CCDC88C: variants seen among roughly 807,000 people sequenced by gnomAD.
CCDC88C encodes coiled-coil and HOOK domain protein 88C.
In CCDC88C, 131 loss-of-function variants were observed where a neutral mutation model predicts 198.8. That is an observed-to-expected ratio of 0.66 (90% confidence interval 0.57 to 0.76). CCDC88C has a LOEUF of 0.76. CCDC88C is among the 30% of genes least tolerant of loss of function. CCDC88C has a pLI of 0.00. For missense variants in CCDC88C, 2,553 were observed against 2,631.6 expected (o/e 0.97, Z 0.65); for synonymous variants, 1,166 against 1,114.7 (o/e 1.05, Z -0.92).
In CCDC88C at chr14:91,309,920, G is replaced by C. The variant is rs776266258; in HGVS notation, c.2803C>G (p.Leu935Val). 38 of 1,609,834 alleles carry C rather than the reference G, an allele frequency of 2.4e-5. No homozygotes were observed. The Middle Eastern group carries it at 6.6e-4, about 28-fold the overall frequency. ...TCCCTGTTGAGGCCGACCTTCTCCAGTTCCTGGCTCAGCTTGTCCAGCTCA... is the reference window on the plus strand; with the variant it reads ...TCCCTGTTGAGGCCGACCTTCTCCACTTCCTGGCTCAGCTTGTCCAGCTCA... The part of the protein sequence containing the change: ...SSELDKLSQE[L>V]EKVGLNRELL... The change falls in exon 16 of 30, where the codon CTG becomes GTG. Residue 935 changes from leucine (L) to valine (V), a missense_variant. Leu to Val is a conservative substitution (Grantham distance 32, BLOSUM62 1). Coordinates refer to ENST00000389857, the MANE Select transcript of CCDC88C (RefSeq NM_001080414.4).
intron 3 of CCDC88C, among the ~76,000 whole-genome samples, chr14:91,394,729 T>A (rs1405016350): frequency 6.6e-6 from 1 of 152,180 alleles, no homozygotes. Context: ...CTTCCTTTGA[T>A]GAGATAATAT....
At chr14:91,409,053 A>G (rs966595620) in intron 2 of CCDC88C, among the ~76,000 whole-genome samples, 2 of 152,208 alleles carry the variant, frequency 1.3e-5, no homozygotes, top group Admixed American at 1.3e-4. Context: ...AACCAACCAC[A>G]TATCAGTGCA....
intron 10 of CCDC88C, among the ~76,000 whole-genome samples, chr14:91,333,783 T>C (rs1892933916): frequency 2.0e-5 from 3 of 152,210 alleles, no homozygotes; most frequent in African/African-American, 7.2e-5. Context: ...GAATCTGCAT[T>C]TTAAACACAA....
intron 3 of CCDC88C, among the ~76,000 whole-genome samples, chr14:91,400,800 A>G (rs182264595): frequency 5.9e-5 from 9 of 152,342 alleles, no homozygotes; most frequent in Admixed American, 5.2e-4. Context: ...AAAAGGAAAA[A>G]ACCTATAAAT....
At chr14:91,300,341 C>T (rs997328382) in intron 20 of CCDC88C, among the ~76,000 whole-genome samples, 5 of 152,206 alleles carry the variant, frequency 3.3e-5, no homozygotes, top group African/African-American at 4.8e-5. Flanking sequence ...ATAAAGCAGT[C>T]GCTCTTCCTT....
chr14:91,306,893 G>T, intron 18 of CCDC88C, 145 bp downstream of exon 18: 1 of 827,644 alleles, frequency 1.2e-6, no homozygotes, highest in Non-Finnish European at 1.8e-6. Flanking sequence ...GGGCCCACAG[G>T]ACCTGCAACT....
intron 3 of CCDC88C, chr14:91,378,984 T>A (rs1005724993): frequency 1.3e-5 from 2 of 152,238 alleles, no homozygotes; most frequent in Admixed American, 6.5e-5. Flanking sequence ...TACTCCGGGA[T>A]ACCCTTAGGA....
chr14:91,338,205 C>T lies in CCDC88C; in HGVS notation c.892-42G>A. 6.2e-7 allele frequency: 1 copy of T among 1,603,960 alleles called. No individual in the cohort carries two copies. The highest frequency in any genetic ancestry group is 1.3e-5 in the African/African-American group (1 of 74,908). On this transcript the variant is annotated intron_variant, in intron 9 of 29. Coordinates refer to ENST00000389857, the MANE Select transcript of CCDC88C (RefSeq NM_001080414.4). This position sits in a 1 kb window ranked among gnomAD's most constrained non-coding sequence, Gnocchi z 4.8. ...GGCAGGAGAACCTAGCTTAGGGCAT[C>T]CTCTAGGAAGGGCAGAAAGGCCATT... is the stretch of plus-strand genomic sequence containing the variant.
In CCDC88C at chr14:91,352,609, C is replaced by T. The variant is rs1893864768; in HGVS notation, c.340+7033G>A. Among the ~76,000 whole-genome samples, 1 of 152,036 alleles carries T rather than the reference C, an allele frequency of 6.6e-6. No individual in the cohort carries two copies. Among genetic ancestry groups the T allele is most frequent in the Non-Finnish European group, 1.5e-5 (1 of 68,020 alleles). The stretch of plus-strand genomic sequence containing the variant: ...ATTTCTTCCCTCCCATTCAAACGCC[C>T]AAAACGTTTTGCAAATATGAAAATT... On this transcript the variant is annotated intron_variant, in intron 4 of 29. Transcript: ENST00000389857. This position sits in a 1 kb window ranked among gnomAD's most constrained non-coding sequence, Gnocchi z 4.2.
At position 91,313,296 on chromosome 14, in the gene CCDC88C, C is replaced by G. The variant is rs1447544531; in HGVS notation, c.2520G>C (p.Glu840Asp). ...LEKDKKLLEK[E>D]AKRLWQQVEL... is the part of the protein sequence containing the mutation. The stretch of plus-strand genomic sequence containing the variant: ...CCACCTGCTGCCACAGCCGCTTGGC[C>G]TCCTTCTCCAGCAGCTTCTTATCCT... The change falls in exon 15 of 30, where the codon GAG (glutamate) becomes GAC (aspartate). Residue 840 changes from glutamate (E) to aspartate (D), a missense_variant. Transcript: ENST00000389857. This position sits in a 1 kb window ranked among gnomAD's most constrained non-coding sequence, Gnocchi z 5.2. The G allele has an allele frequency of 1.9e-6, 3 of 1,613,954 alleles. No homozygotes were observed. Among genetic ancestry groups the G allele is most frequent in the Non-Finnish European group, 2.5e-6 (3 of 1,179,904 alleles).
chr14:91,338,458 C>T lies in CCDC88C; in HGVS notation c.891+31G>A, dbSNP rs777899319. 6.5e-7 allele frequency: 1 copy of T among 1,542,736 alleles called. No individual in the cohort carries two copies. Among genetic ancestry groups the T allele is most frequent in the South Asian group, 1.2e-5 (1 of 83,914 alleles). ...CTGGACACTCCAGCCCTGCTACCCCCAGGACACACAGGCTCAGGCCCCCGA... is the reference window on the plus strand; with the variant it reads ...CTGGACACTCCAGCCCTGCTACCCCTAGGACACACAGGCTCAGGCCCCCGA... On this transcript the variant is annotated intron_variant, in intron 9 of 29. Coordinates refer to ENST00000389857, the MANE Select transcript of CCDC88C (RefSeq NM_001080414.4). The surrounding 1 kb of genome is among the most constrained non-coding windows in gnomAD (Gnocchi z 4.8).
chr14:91,380,396 C>T (rs1430379655), intron 3 of CCDC88C, among the ~76,000 whole-genome samples: 1 of 152,094 alleles, frequency 6.6e-6, no homozygotes, highest in African/African-American at 2.4e-5. Context: ...TTTAGAAGAG[C>T]GCCAAAAATT....
chr14:91,286,154 T>A (rs1890400953), intron 25 of CCDC88C, among the ~76,000 whole-genome samples: 1 of 152,172 alleles, frequency 6.6e-6, no homozygotes, highest in South Asian at 2.1e-4. Context: ...GTGTGCCAAA[T>A]TATTAAACAC....
intron 25 of CCDC88C, chr14:91,285,934 A>T: frequency 1.5e-6 from 1 of 661,612 alleles, no homozygotes; most frequent in Non-Finnish European, 2.2e-6. Context: ...AAATTAGCTA[A>T]ATGTACTTAA....
chr14:91,305,174 G>T (rs1481310031), intron 19 of CCDC88C, among the ~76,000 whole-genome samples: 1 of 152,174 alleles, frequency 6.6e-6, no homozygotes, highest in Non-Finnish European at 1.5e-5. Flanking sequence ...CTCCAGCCTG[G>T]GTGACAGAGT....
Position 91,300,016 on chromosome 14 carries a change from C to G in CCDC88C, c.3690G>C (p.Leu1230Phe). 1 of 1,604,266 alleles carries G rather than the reference C, an allele frequency of 6.2e-7. No individual in the cohort carries two copies. The highest frequency in any genetic ancestry group is 1.1e-5 in the South Asian group (1 of 89,032). The change falls in exon 21 of 30, where the codon TTG becomes TTC. Residue 1230 changes from leucine to phenylalanine, a missense_variant. Around this residue, in one of 2 missense-constraint regions of CCDC88C, gnomAD observed 1,293 missense variants for 1,219.6 expected, o/e 1.06. Transcript: ENST00000389857. ...GCTGCAGCGCCTCTCGCTCAGTGGTCAAGACCTTCTCCCGCTCCTCCAGCT... is the reference window on the plus strand; with the variant it reads ...GCTGCAGCGCCTCTCGCTCAGTGGTGAAGACCTTCTCCCGCTCCTCCAGCT... ...KAELEEREKV[L>F]TTEREALQQE...
rs141548850 is a variant in CCDC88C, at chr14:91,276,651, CCAGA to C, written c.5058+1267_5058+1270del. ...GCAGGTCACAGGGTTTACCAGAGAG[CCAGA>C]CAAAGTCCAAATGTGTTTCTTTAAG... On this transcript the variant is annotated intron_variant, in intron 29 of 29. Transcript: ENST00000389857. Among the ~76,000 whole-genome samples, 789 of 152,306 alleles carry C rather than the reference CCAGA, an allele frequency of 5.2e-3. 6 individuals are homozygous for C. Among genetic ancestry groups the C allele is most frequent in the African/African-American group, 0.017 (702 of 41,554 alleles).
intron 29 of CCDC88C, among the ~76,000 whole-genome samples, chr14:91,276,318 A>G (rs1889963143): frequency 6.6e-6 from 1 of 152,136 alleles, no homozygotes; most frequent in Non-Finnish European, 1.5e-5. Flanking sequence ...TAGACCGCTA[A>G]CTTCTCGAGG....
intron 3 of CCDC88C, among the ~76,000 whole-genome samples, chr14:91,395,383 G>A (rs1468762804): frequency 6.6e-6 from 1 of 152,072 alleles, no homozygotes; most frequent in African/African-American, 2.4e-5. Context: ...CACCTATAAG[G>A]TAATTTTTAC....
Sources: gnomAD v4.1 joint callset for allele counts (sites outside exome capture counted in the v4.1 genomes callset) on GRCh38, gnomAD v4.1.1 for gene constraint, gnomAD v4.1.1 regional missense constraint, Gnocchi (gnomAD v3.1) non-coding constraint, MANE v1.5 for transcripts, NCBI Gene and HGNC (gene_info 2026-07-23, HGNC 2026-07-21) for gene names.